RGS7: variants seen among roughly 807,000 people sequenced by gnomAD.
RGS7 encodes regulator of G-protein signaling 7.
In RGS7, 27 loss-of-function variants were observed where a neutral mutation model predicts 81.1. The observed-to-expected ratio is 0.33, with a 90% CI of 0.25 to 0.46. RGS7 has a LOEUF of 0.46. Ranked by LOEUF, RGS7 falls within the 20% of genes least tolerant of loss-of-function variation. The pLI is 1.00. For missense variants in RGS7, 396 were observed against 607.4 expected, an observed-to-expected ratio of 0.65 and a Z score of 3.66; for synonymous variants, 208 against 207.7, an observed-to-expected ratio of 1.00 and a Z score of -0.01.
At chr1:241,226,163 A>G (rs2075297467) in intron 2 of RGS7, among the ~76,000 whole-genome samples, 3 of 152,252 alleles carry the variant, frequency 2.0e-5, no homozygotes, top group African/African-American at 7.2e-5. Context: ...AACATTGGCC[A>G]AAGAAAGATG....
intron 4 of RGS7, among the ~76,000 whole-genome samples, chr1:240,965,396 C>T (rs1372809966): frequency 3.9e-5 from 6 of 152,186 alleles, no homozygotes; most frequent in African/African-American, 7.2e-5. Context: ...TGCTTGAAAT[C>T]GATTATTTGG....
chr1:241,343,797 G>C (rs2082716023), intron 2 of RGS7, among the ~76,000 whole-genome samples: 1 of 152,070 alleles, frequency 6.6e-6, no homozygotes, highest in Non-Finnish European at 1.5e-5. Context: ...ACAATGTGAA[G>C]TGTACTTACT....
intron 2 of RGS7, among the ~76,000 whole-genome samples, chr1:241,298,232 G>T (rs183259010): frequency 6.6e-6 from 1 of 152,194 alleles, no homozygotes; most frequent in Admixed American, 6.5e-5. Flanking sequence ...ACCCAGGATG[G>T]TTTTTTAAAA....
intron 2 of RGS7, among the ~76,000 whole-genome samples, chr1:241,342,003 T>A (rs2082587548): frequency 6.6e-6 from 1 of 150,424 alleles, no homozygotes; most frequent in Admixed American, 6.7e-5. Flanking sequence ...CCCTCCGGAG[T>A]GGCTGAAATT....
chr1:241,278,585 A>G (rs2078323323), intron 2 of RGS7, among the ~76,000 whole-genome samples: 1 of 152,114 alleles, frequency 6.6e-6, no homozygotes. Context: ...TTCACCACAG[A>G]GCTCACAACT....
At chr1:241,288,861 A>G (rs930909604) in intron 2 of RGS7, among the ~76,000 whole-genome samples, 7 of 152,174 alleles carry the variant, frequency 4.6e-5, no homozygotes, top group African/African-American at 1.7e-4. Context: ...GATTCTGGCC[A>G]CAGAAATGTT....
chr1:241,137,934 G>A lies in RGS7; in HGVS notation c.79-39172C>T, dbSNP rs777721394. Among the ~76,000 whole-genome samples, 77 of 152,244 alleles carry A rather than the reference G, an allele frequency of 5.1e-4. 1 individual carries two copies. Among genetic ancestry groups the A allele is most frequent in the Non-Finnish European group, 2.6e-4 (18 of 68,014 alleles). On this transcript the variant is annotated intron_variant, in intron 2 of 18. Coordinates refer to ENST00000440928, the MANE Select transcript of RGS7 (RefSeq NM_001364886.1). Reference sequence around the variant, plus strand: ...GCCTGTAATCCCAGCACTTTGGAAGGCTGAGGCGGGCAGATCACCTGAGGT... The same window carrying A: ...GCCTGTAATCCCAGCACTTTGGAAGACTGAGGCGGGCAGATCACCTGAGGT...
intron 5 of RGS7, 24 bp from the exon 6 acceptor site, chr1:240,930,792 C>A (rs373738512): frequency 1.4e-5 from 22 of 1,612,112 alleles, no homozygotes; most frequent in Non-Finnish European, 1.8e-5. Context: ...AGAAGTGGAA[C>A]CCAGATTAGA....
rs1491202997 is a variant in RGS7, at chr1:241,130,944, A to AAAAAC, written c.79-32183_79-32182insGTTTT. Among the ~76,000 whole-genome samples, 650 of 150,202 alleles carry AAAAAC rather than the reference A, an allele frequency of 4.3e-3. 14 individuals are homozygous for AAAAAC. The highest frequency in any genetic ancestry group is 0.016 in the African/African-American group (625 of 39,806). Reference sequence around the variant, plus strand: ...CTTAATTACAAAAAAAAAAAAAAAAAACCAAGAGGCCAGATAATTCTACTC... The same window carrying AAAAAC: ...CTTAATTACAAAAAAAAAAAAAAAAAAAAACACCAAGAGGCCAGATAATTCTACTC... On this transcript the variant is annotated intron_variant, in intron 2 of 18. Coordinates refer to ENST00000440928, the MANE Select transcript of RGS7 (RefSeq NM_001364886.1).
At chr1:241,193,359 AC>A (rs1370068173) in intron 2 of RGS7, among the ~76,000 whole-genome samples, 2 of 151,962 alleles carry the variant, frequency 1.3e-5, no homozygotes, top group Non-Finnish European at 2.9e-5. Context: ...TGTCTTTGCC[AC>A]TCTCCTGTGT....
At chr1:240,852,611 A>G (rs2147936943) in intron 9 of RGS7, among the ~76,000 whole-genome samples, 1 of 152,256 alleles carries the variant, frequency 6.6e-6, no homozygotes, top group Non-Finnish European at 1.5e-5. Flanking sequence ...ACTAACTGTT[A>G]TTATCTACTG....
chr1:240,905,298 G>A (rs1374187983), intron 6 of RGS7, among the ~76,000 whole-genome samples: 1 of 152,070 alleles, frequency 6.6e-6, no homozygotes, highest in Admixed American at 6.6e-5. Context: ...CATGATATAT[G>A]TCAAACATAA....
chr1:240,790,808 C>T (rs1685873104), intron 18 of RGS7, among the ~76,000 whole-genome samples: 1 of 152,146 alleles, frequency 6.6e-6, no homozygotes, highest in African/African-American at 2.4e-5. Flanking sequence ...CCTTTCAATT[C>T]TGAAACTGCA....
At chr1:240,938,244 CATAA>C (rs944926940) in intron 4 of RGS7, among the ~76,000 whole-genome samples, 1 of 152,096 alleles carries the variant, frequency 6.6e-6, no homozygotes, top group African/African-American at 2.4e-5. Flanking sequence ...ATGTGGAAGT[CATAA>C]ATAGAGAGGG....
chr1:241,098,734 T>C lies in RGS7; in HGVS notation c.107A>G (p.Asp36Gly). ...ACGAATAGGAATTCCATTTTTTTCA[T>C]CTTGCATCCGTGCTATGACGTCTTC... is the stretch of plus-strand genomic sequence containing the variant. ...KMEDVIARMQDEKNGIPIRTV... is the reference protein window; with the variant it reads ...KMEDVIARMQGEKNGIPIRTV... The change falls in exon 3 of 19, where the codon GAT (aspartate) becomes GGT (glycine). Residue 36 changes from aspartate to glycine, a missense_variant. Physicochemically the swap from Asp to Gly is moderately conservative, Grantham distance 94. Coordinates refer to ENST00000440928, the MANE Select transcript of RGS7 (RefSeq NM_001364886.1). 1 of 1,613,144 alleles carries C rather than the reference T, an allele frequency of 6.2e-7. No individual in the cohort carries two copies. The highest frequency in any genetic ancestry group is 8.5e-7 in the Non-Finnish European group (1 of 1,179,456).
At chr1:241,204,147 G>C (rs2073719684) in intron 2 of RGS7, among the ~76,000 whole-genome samples, 1 of 152,218 alleles carries the variant, frequency 6.6e-6, no homozygotes, top group African/African-American at 2.4e-5. Flanking sequence ...GAACACAGGT[G>C]TGTATAGAGA....
At chr1:241,220,488 T>G (rs950782024) in intron 2 of RGS7, among the ~76,000 whole-genome samples, 1 of 152,288 alleles carries the variant, frequency 6.6e-6, no homozygotes, top group East Asian at 1.9e-4. Context: ...AGTCTATCAC[T>G]GAGAGAAAAT....
chr1:241,002,571 T>C (rs1379829085), intron 3 of RGS7, among the ~76,000 whole-genome samples: 1 of 152,240 alleles, frequency 6.6e-6, no homozygotes, highest in African/African-American at 2.4e-5. Flanking sequence ...TCACATTTTA[T>C]ATTTACTGAT....
chr1:241,167,361 T>G (rs1254852544), intron 2 of RGS7, among the ~76,000 whole-genome samples: 1 of 152,188 alleles, frequency 6.6e-6, no homozygotes, highest in South Asian at 2.1e-4. Context: ...AACTTCTGAC[T>G]GAGCATACGC....
Sources: gnomAD v4.1 joint callset for allele counts (sites outside exome capture counted in the v4.1 genomes callset) on GRCh38, gnomAD v4.1.1 for gene constraint, MANE v1.5 for transcripts, NCBI Gene and HGNC (gene_info 2026-07-23, HGNC 2026-07-21) for gene names.